DGKB: variants seen among roughly 807,000 people sequenced by gnomAD.
The protein encoded by DGKB is diacylglycerol kinase beta, also known as 90 kDa diacylglycerol kinase.
Under a neutral mutation model 114.3 loss-of-function variants are expected in DGKB, and 67 were observed. That is an observed-to-expected ratio of 0.59 (90% CI 0.48 to 0.72). DGKB has a LOEUF of 0.72. Ranked by LOEUF, DGKB falls within the 30% of genes least tolerant of loss-of-function variation. DGKB has a pLI of 0.00. For synonymous variants in DGKB, 398 were observed against 323.1 expected, an observed-to-expected ratio of 1.23 and a Z score of -2.49; for missense variants, 907 against 975.2, an observed-to-expected ratio of 0.93 and a Z score of 0.93.
At chr7:14,812,992 G>A (rs2128084637) in intron 2 of DGKB, among the ~76,000 whole-genome samples, 1 of 151,946 alleles carries the variant, frequency 6.6e-6, no homozygotes, top group African/African-American at 2.4e-5. Context: ...TCCAAACCAA[G>A]GAAAAACAAA....
intron 1 of DGKB, among the ~76,000 whole-genome samples, chr7:14,929,441 T>C (rs1204296851): frequency 6.6e-6 from 1 of 152,042 alleles, no homozygotes; most frequent in Non-Finnish European, 1.5e-5. Flanking sequence ...GGAGTAAGGT[T>C]GTGGTTTTAA....
chr7:14,750,511 A>T (rs573053819), intron 4 of DGKB, among the ~76,000 whole-genome samples: 73 of 152,106 alleles, frequency 4.8e-4, no homozygotes, highest in Non-Finnish European at 9.1e-4. Context: ...CTCCATCTCC[A>T]TTCTGATGCC....
intron 23 of DGKB, among the ~76,000 whole-genome samples, chr7:14,335,874 C>T (rs1056092183): frequency 6.6e-6 from 1 of 152,062 alleles, no homozygotes; most frequent in Non-Finnish European, 1.5e-5. Context: ...CCTCCTCAGC[C>T]TTCTGAGTAG....
At chr7:14,681,504 G>A (rs938784803) in intron 12 of DGKB, among the ~76,000 whole-genome samples, 3 of 151,644 alleles carry the variant, frequency 2.0e-5, no homozygotes, top group Non-Finnish European at 4.4e-5. Flanking sequence ...TTAAGCCCTG[G>A]GTTGAGGGTG....
chr7:14,806,219 G>T (rs1842778494), intron 2 of DGKB, among the ~76,000 whole-genome samples: 1 of 151,880 alleles, frequency 6.6e-6, no homozygotes, highest in Admixed American at 6.6e-5. Flanking sequence ...AAAGTGCTAT[G>T]TTGTGATGTT....
intron 15 of DGKB, among the ~76,000 whole-genome samples, chr7:14,616,577 A>G (rs983485418): frequency 5.9e-5 from 9 of 151,938 alleles, no homozygotes; most frequent in African/African-American, 1.9e-4. Context: ...AACTATGTCA[A>G]AAATTCTGTC....
intron 23 of DGKB, among the ~76,000 whole-genome samples, chr7:14,299,672 T>G (rs1413169618): frequency 6.6e-6 from 1 of 151,894 alleles, no homozygotes; most frequent in African/African-American, 2.4e-5. Flanking sequence ...TTTGACTGAA[T>G]GAAAAGGAAA....
intron 3 of DGKB, among the ~76,000 whole-genome samples, chr7:14,756,421 A>AT (rs1404607703): frequency 4.0e-5 from 6 of 151,212 alleles, no homozygotes; most frequent in Non-Finnish European, 5.9e-5. Context: ...TCAAACATCT[A>AT]TTTTTTTTCT....
chr7:14,736,912 G>A (rs1394937099), intron 4 of DGKB, among the ~76,000 whole-genome samples: 1 of 152,160 alleles, frequency 6.6e-6, no homozygotes, highest in African/African-American at 2.4e-5. Context: ...TAATGAGAGC[G>A]TTTCACAGGA....
intron 20 of DGKB, among the ~76,000 whole-genome samples, chr7:14,481,139 T>C (rs957408463): frequency 1.3e-5 from 2 of 151,972 alleles, no homozygotes; most frequent in South Asian, 2.1e-4. Flanking sequence ...CGTGTACATA[T>C]ATAAGTATAT....
chr7:14,375,662 C>T (rs190026377), intron 21 of DGKB, among the ~76,000 whole-genome samples: 68 of 152,308 alleles, frequency 4.5e-4, no homozygotes, highest in Non-Finnish European at 1.3e-4. Context: ...TTCTTGAGTG[C>T]TCTATTTAAA....
At chr7:14,657,864 C>T (rs1204938109) in intron 13 of DGKB, among the ~76,000 whole-genome samples, 2 of 151,928 alleles carry the variant, frequency 1.3e-5, no homozygotes, top group Middle Eastern at 3.4e-3. Flanking sequence ...TTAACTCTTG[C>T]CGATAAAAGT....
At chr7:14,443,480 A>G (rs918165392) in intron 21 of DGKB, among the ~76,000 whole-genome samples, 1 of 152,118 alleles carries the variant, frequency 6.6e-6, no homozygotes, top group Admixed American at 6.6e-5. Flanking sequence ...ACATATTTTC[A>G]TTTCCTATTT....
rs118046832 is a variant in DGKB, at chr7:14,465,916, C to G, written c.1835+12245G>C. On this transcript the variant is annotated intron_variant, in intron 21 of 25. Coordinates refer to ENST00000402815, the MANE Select transcript of DGKB (RefSeq NM_001350709.2). ...AGCCTTACTCCTAGCTGCTGGTGTA[C>G]ACAATTATTGAGACTTTCTGTGATG... Among the ~76,000 whole-genome samples, 513 of 151,886 alleles carry G rather than the reference C, an allele frequency of 3.4e-3. 2 individuals carry two copies. The highest frequency in any genetic ancestry group is 6.4e-3 in the Non-Finnish European group (433 of 68,022).
intron 20 of DGKB, among the ~76,000 whole-genome samples, chr7:14,517,587 T>G (rs1789036261): frequency 6.6e-6 from 1 of 152,014 alleles, no homozygotes; most frequent in African/African-American, 2.4e-5. Flanking sequence ...ATTTCCAGAA[T>G]CTACCAGAAA....
chr7:14,731,215 T>C (rs912835597), intron 5 of DGKB, among the ~76,000 whole-genome samples: 2 of 152,180 alleles, frequency 1.3e-5, no homozygotes, highest in African/African-American at 4.8e-5. Context: ...TTGTGCAGAA[T>C]CTAATTAATG....
intron 1 of DGKB, among the ~76,000 whole-genome samples, chr7:14,928,079 TAA>T (rs1376768493): frequency 6.6e-6 from 1 of 151,968 alleles, no homozygotes; most frequent in Non-Finnish European, 1.5e-5. Context: ...TAATTAAATA[TAA>T]GTCTTTTCAA....
intron 20 of DGKB, among the ~76,000 whole-genome samples, chr7:14,519,264 C>A (rs1375992170): frequency 6.6e-6 from 1 of 151,952 alleles, no homozygotes; most frequent in Non-Finnish European, 1.5e-5. Flanking sequence ...CCTCTGACCA[C>A]CAGCCTCAGG....
chr7:14,506,754 A>C (rs1185681618), intron 20 of DGKB, among the ~76,000 whole-genome samples: 2 of 152,136 alleles, frequency 1.3e-5, no homozygotes, highest in Non-Finnish European at 2.9e-5. Flanking sequence ...TTTCCACACA[A>C]AAAAGAACAA....
Sources: gnomAD v4.1 joint callset for allele counts (sites outside exome capture counted in the v4.1 genomes callset) on GRCh38, gnomAD v4.1.1 for gene constraint, MANE v1.5 for transcripts, NCBI Gene and HGNC (gene_info 2026-07-23, HGNC 2026-07-21) for gene names.